The following BLTP1 variants were observed in gnomAD, a reference collection of about 807,000 sequenced individuals.
The protein encoded by BLTP1 is fragile site-associated protein.
the BLTP1 span, among the ~76,000 whole-genome samples, chr4:122,235,787 A>G: frequency 2.0e-5 from 3 of 152,232 alleles, no homozygotes; most frequent in African/African-American, 7.2e-5. Flanking sequence ...CCTGGGCGAC[A>G]GAGCGAGACT....
chr4:122,157,412 G>GGGTGGGGTT, the BLTP1 span, among the ~76,000 whole-genome samples: 34 of 152,150 alleles, frequency 2.2e-4, no homozygotes, highest in Non-Finnish European at 4.3e-4. Context: ...CACCTGACAG[G>GGGTGGGGTT]GGTGGGGTTG....
At chr4:122,166,688 G>T in the BLTP1 span, among the ~76,000 whole-genome samples, 189 of 152,256 alleles carry the variant, frequency 1.2e-3, no homozygotes, top group African/African-American at 4.1e-3. Context: ...TCACGATACT[G>T]ATTCTTCCTA....
chr4:122,164,110 G>A, the BLTP1 span, among the ~76,000 whole-genome samples: 1 of 152,296 alleles, frequency 6.6e-6, no homozygotes, highest in South Asian at 2.1e-4. Context: ...TGCTTGGTGA[G>A]TATCTGCATG....
chr4:122,325,465 AAGT>A, the BLTP1 span: 1 of 1,368,746 alleles, frequency 7.3e-7, no homozygotes, highest in South Asian at 1.9e-5. Context: ...GCATATTACC[AAGT>A]AGTGGGCACT....
chr4:122,337,330 G>T, the BLTP1 span, among the ~76,000 whole-genome samples: 3 of 151,994 alleles, frequency 2.0e-5, no homozygotes, highest in African/African-American at 7.2e-5. Flanking sequence ...TACCTTAAAT[G>T]TGCTCAGAAC....
the BLTP1 span, chr4:122,246,621 A>T: frequency 6.4e-7 from 1 of 1,561,028 alleles, no homozygotes; most frequent in Non-Finnish European, 8.7e-7. Flanking sequence ...ATTTTTGTGC[A>T]TATTTTATGT....
chr4:122,356,679 T>A, the BLTP1 span: 1 of 1,613,922 alleles, frequency 6.2e-7, no homozygotes, highest in Non-Finnish European at 8.5e-7. Context: ...CTGACCACAT[T>A]TGTGTGACTA....
the BLTP1 span, among the ~76,000 whole-genome samples, chr4:122,351,835 A>T: frequency 6.2e-4 from 95 of 152,338 alleles, no homozygotes; most frequent in African/African-American, 2.2e-3. Flanking sequence ...AGGCTTAGGG[A>T]ATTGTTTAAA....
the BLTP1 span, among the ~76,000 whole-genome samples, chr4:122,282,449 C>T: frequency 6.6e-6 from 1 of 152,048 alleles, no homozygotes; most frequent in Non-Finnish European, 1.5e-5. Flanking sequence ...CAAGACCAGT[C>T]TGGAAAACAT....
chr4:122,236,923 A>G, the BLTP1 span: 3 of 985,332 alleles, frequency 3.0e-6, no homozygotes, highest in Non-Finnish European at 3.6e-6. Flanking sequence ...TCTTCCAGGA[A>G]TGGAGTACAG....
At chr4:122,244,372 T>C in the BLTP1 span, among the ~76,000 whole-genome samples, 1 of 152,006 alleles carries the variant, frequency 6.6e-6, no homozygotes, top group Admixed American at 6.6e-5. Context: ...ATCAAAAAAG[T>C]CAACCTTCTG....
At chr4:122,361,801 C>G in the BLTP1 span, among the ~76,000 whole-genome samples, 1 of 152,092 alleles carries the variant, frequency 6.6e-6, no homozygotes, top group African/African-American at 2.4e-5. Context: ...ATAGTAAACA[C>G]TATTGCTGTG....
chr4:122,249,926 A>T, the BLTP1 span: 2 of 984,618 alleles, frequency 2.0e-6, no homozygotes, highest in Non-Finnish European at 2.4e-6. Flanking sequence ...TTTCCGAATA[A>T]ATTCCCAAAT....
chr4:122,236,051 C>T, the BLTP1 span, among the ~76,000 whole-genome samples: 10 of 152,100 alleles, frequency 6.6e-5, no homozygotes, highest in Non-Finnish European at 8.8e-5. Flanking sequence ...TGATACTTCA[C>T]GAATATTTAG....
chr4:122,152,364 C>T, the BLTP1 span: 17 of 985,896 alleles, frequency 1.7e-5, no homozygotes, highest in South Asian at 9.4e-5. Context: ...GGACCCCTCC[C>T]CTCCTCCTCC....
At chr4:122,168,723 A>T in the BLTP1 span, among the ~76,000 whole-genome samples, 1 of 152,078 alleles carries the variant, frequency 6.6e-6, no homozygotes, top group Non-Finnish European at 1.5e-5. Flanking sequence ...CACTGTAGGA[A>T]AAAAAAGGAT....
the BLTP1 span, chr4:122,349,691 C>A: frequency 1.9e-6 from 3 of 1,558,168 alleles, no homozygotes; most frequent in South Asian, 1.2e-5. This position sits in a 1 kb window ranked among gnomAD's most constrained non-coding sequence, Gnocchi z 4.5. Context: ...CTGTTCTCAA[C>A]ATATTGTCTA....
the BLTP1 span, chr4:122,266,725 T>C: frequency 2.1e-6 from 3 of 1,421,466 alleles, no homozygotes; most frequent in Middle Eastern, 3.7e-4. Context: ...CTACATGTAA[T>C]TTCTACAGTA....
At chr4:122,177,524 G>A in the BLTP1 span, among the ~76,000 whole-genome samples, 2 of 152,172 alleles carry the variant, frequency 1.3e-5, no homozygotes, top group Non-Finnish European at 2.9e-5. Flanking sequence ...GGTCTTGTAA[G>A]TGACCTATAG....
Sources: allele counts gnomAD v4.1 joint callset (sites outside exome capture counted in the v4.1 genomes callset), GRCh38; gene constraint gnomAD v4.1.1; non-coding constraint Gnocchi (gnomAD v3.1); transcripts MANE v1.5; gene names NCBI Gene and HGNC (gene_info 2026-07-23, HGNC 2026-07-21).